Variants in DPEP2 observed in about 807,000 individuals in gnomAD.
DPEP2 encodes the protein dipeptidase 2.
In DPEP2, 45 loss-of-function variants were observed where a neutral mutation model predicts 51.8. The observed-to-expected ratio is 0.87, with a 90% confidence interval of 0.68 to 1.11. DPEP2 has a LOEUF of 1.11. Among genes scored for constraint, DPEP2 ranks in the 50% most tolerant of loss-of-function variants. DPEP2 has a pLI of 0.00. For synonymous variants in DPEP2, 255 were observed against 262.7 expected, an observed-to-expected ratio of 0.97 and a Z score of 0.28; for missense variants, 604 against 631.9, an observed-to-expected ratio of 0.96 and a Z score of 0.47.
At position 67,992,404 on chromosome 16, in the gene DPEP2, A is replaced by G. The variant is rs982412365; in HGVS notation, c.390+106T>C. On this transcript the variant is annotated intron_variant, in intron 3 of 10. Transcript: ENST00000393847. ...ATATCATGACACTTTTTGGGTCACT[A>G]TGGTAACTGAGTTCTCATGTGACTA... The G allele has an allele frequency of 4.0e-6, 6 of 1,509,824 alleles. No individual in the cohort carries two copies. The African/African-American group carries it at 5.5e-5, about 14-fold the overall frequency. The allele number at this position is 1,509,824 out of a possible 1,614,324, so 93.5% of individuals were successfully genotyped here. A position where few individuals can be genotyped will look rare whatever the true frequency, so the allele number is the denominator to read the frequency against.
At chr16:67,993,708 C>T in intron 1 of DPEP2, 1 of 986,590 alleles carries the variant, frequency 1.0e-6, no homozygotes, top group Non-Finnish European at 1.2e-6. Flanking sequence ...CACCCAGGGC[C>T]ACATGTGTCC....
In DPEP2 at chr16:67,999,402, G is replaced by A. The variant is rs1351385141; in HGVS notation, c.-73C>T. On this transcript the variant is annotated 5_prime_UTR_variant, in exon 1 of 11. Coordinates refer to ENST00000393847, the MANE Select transcript of DPEP2 (RefSeq NM_022355.4). ...TAAGAGCTGTAACACTCACTGCGAG[G>A]GTCTGCAGCTTCATTCTAGAACTCA... 5 of 786,512 alleles carry A rather than the reference G, an allele frequency of 6.4e-6. No individual in the cohort carries two copies. The East Asian group carries it at 5.0e-4, about 79-fold the overall frequency. The allele number at this position is 786,512 out of a possible 1,614,324, so 48.7% of individuals were successfully genotyped here. A position where few individuals can be genotyped will look rare whatever the true frequency, so the allele number is the denominator to read the frequency against.
chr16:67,995,569 A>G (rs972957894), intron 1 of DPEP2, among the ~76,000 whole-genome samples: 3 of 152,214 alleles, frequency 2.0e-5, no homozygotes, highest in African/African-American at 7.2e-5. Context: ...CAGGTCAAAG[A>G]TGTGGTTTTG....
At chr16:67,989,118 A>G (rs2031805021) in intron 9 of DPEP2, among the ~76,000 whole-genome samples, 1 of 152,162 alleles carries the variant, frequency 6.6e-6, no homozygotes, top group Non-Finnish European at 1.5e-5. Flanking sequence ...GGGTACGTGC[A>G]GTGCTGGGCA....
chr16:67,990,004 G>A lies in DPEP2; in HGVS notation c.994+43C>T, dbSNP rs756792012. 2.5e-6 allele frequency: 4 copies of A among 1,605,532 alleles called. 1 individual carries two copies. Among genetic ancestry groups the A allele is most frequent in the South Asian group, 2.2e-5 (2 of 90,628 alleles). On this transcript the variant is annotated intron_variant, in intron 8 of 10. Transcript: ENST00000393847. ...TCCTGGGGCCCTCCCAAGTCTTCAG[G>A]TGCAAATCAGAACTGTTCAGAGAGC...
intron 3 of DPEP2, 56 bp from the exon 4 acceptor site, chr16:67,992,249 C>T (rs2032266844): frequency 1.9e-6 from 3 of 1,589,826 alleles, no homozygotes. Flanking sequence ...GGACCCTGGA[C>T]TGCTCACAGC....
chr16:67,992,790 A>C, intron 2 of DPEP2, 154 bp from the exon 3 acceptor site: 1 of 1,480,482 alleles, frequency 6.8e-7, no homozygotes, highest in Non-Finnish European at 9.0e-7. Flanking sequence ...TGCCCACCCA[A>C]GAGGGGATGA....
intron 1 of DPEP2, among the ~76,000 whole-genome samples, chr16:67,995,706 G>A (rs780658866): frequency 4.6e-5 from 7 of 152,152 alleles, no homozygotes; most frequent in Non-Finnish European, 7.4e-5. Flanking sequence ...ACTCACACCC[G>A]TGATCCCAGC....
chr16:67,997,421 A>G (rs1056252117), intron 1 of DPEP2, among the ~76,000 whole-genome samples: 1 of 151,692 alleles, frequency 6.6e-6, no homozygotes, highest in African/African-American at 2.4e-5. Flanking sequence ...CAGTGGCACA[A>G]TCTCGGCTCA....
Position 67,987,640 on chromosome 16 carries a change from G to C in DPEP2, c.1327C>G (p.Gln443Glu). ...TGTATGGGAATCTCAGTGAGTTCCT[G>C]GCCTGAAGTCAGACTCTGTCTCTGA... ...LRQRQSLTSG[Q>E]ELTEIPIHWT... Residue 443 changes from glutamine to glutamate, a missense_variant, in exon 11 of 11, where the codon CAG becomes GAG. Physicochemically the swap from Gln to Glu is conservative, Grantham distance 29 (BLOSUM62 2). Coordinates refer to ENST00000393847, the MANE Select transcript of DPEP2 (RefSeq NM_022355.4). The C allele has an allele frequency of 1.2e-6, 2 of 1,614,166 alleles. No individual in the cohort carries two copies. The highest frequency in any genetic ancestry group is 1.7e-6 in the Non-Finnish European group (2 of 1,180,034).
intron 1 of DPEP2, among the ~76,000 whole-genome samples, chr16:67,998,455 G>C (rs139822773): frequency 0.018 from 2,798 of 152,330 alleles, 37 homozygotes; most frequent in Non-Finnish European, 0.029. Flanking sequence ...TTCCCGGGGG[G>C]GCAGGGCTCG....
upstream of DPEP2, chr16:68,000,318 C>T (rs2032946792): frequency 4.4e-6 from 2 of 454,574 alleles, no homozygotes; most frequent in South Asian, 9.3e-5. Flanking sequence ...TGGTGTGCAG[C>T]TCACTCGCCC....
intron 7 of DPEP2, 37 bp downstream of exon 7, chr16:67,990,784 C>T (rs1472836370): frequency 3.1e-6 from 5 of 1,591,734 alleles, no homozygotes; most frequent in Non-Finnish European, 4.3e-6. Flanking sequence ...TGGTTTGAAC[C>T]TCTTGCTTTA....
upstream of DPEP2, chr16:68,000,404 C>CT: frequency 1.0e-6 from 1 of 983,304 alleles, no homozygotes; most frequent in Non-Finnish European, 1.2e-6. Context: ...CACAGGCTGC[C>CT]TCCCATGCTC....
At chr16:67,999,115 T>A (rs1401912593) in intron 1 of DPEP2, among the ~76,000 whole-genome samples, 4 of 152,188 alleles carry the variant, frequency 2.6e-5, no homozygotes, top group African/African-American at 9.7e-5. Context: ...TAAATCTTGC[T>A]ACTGTTCACT....
At chr16:67,990,746 G>A in intron 7 of DPEP2, 75 bp downstream of exon 7, 3 of 1,514,302 alleles carry the variant, frequency 2.0e-6, no homozygotes, top group Middle Eastern at 1.8e-4. Context: ...TTACAGGTGT[G>A]AGCCACCATG....
In DPEP2 at chr16:67,991,122, A is replaced by C; in HGVS notation, c.725T>G (p.Phe242Cys). The C allele has an allele frequency of 6.2e-7, 1 of 1,614,184 alleles. No individual in the cohort carries two copies. The highest frequency in any genetic ancestry group is 8.5e-7 in the Non-Finnish European group (1 of 1,180,034). ...FYNNISGLTDFGEKVVAEMNR... is the reference protein window; with the variant it reads ...FYNNISGLTDCGEKVVAEMNR... ...GTGAACCAGGGTCCTCACCTCACCA[A>C]AGTCAGTCAGCCCGCTGATGTTGTT... The change falls in exon 6 of 11, where the codon TTT becomes TGT. Residue 242 changes from phenylalanine (F) to cysteine (C), a missense_variant. Transcript: ENST00000393847. The surrounding 1 kb of genome is among the most constrained non-coding windows in gnomAD (Gnocchi z 5.1).
In DPEP2 at chr16:67,992,101, G is replaced by C. The variant is rs1307913788; in HGVS notation, c.483C>G (p.Ala161=). The change falls in exon 4 of 11, where the codon GCC becomes GCG. Residue 161 remains alanine (A), a synonymous_variant. Coordinates refer to ENST00000393847, the MANE Select transcript of DPEP2 (RefSeq NM_022355.4). ...TCACAAGCTCCAGCTCAGAATAGGA[G>C]GCACACATGCGGCGTATGAGGTCAA... The part of the protein sequence containing the change: ...EQIDLIRRMC[A]SYSELELVTS... The C allele has an allele frequency of 6.2e-7, 1 of 1,614,078 alleles. No homozygotes were observed. The highest frequency in any genetic ancestry group is 1.3e-5 in the African/African-American group (1 of 74,922).
intron 9 of DPEP2, 91 bp downstream of exon 9, chr16:67,989,232 T>G: frequency 1.4e-6 from 2 of 1,401,574 alleles, no homozygotes; most frequent in Non-Finnish European, 2.0e-6. Flanking sequence ...GGGAGTGTGG[T>G]CAAGGCCTAA....
Sources: gnomAD v4.1 joint callset for allele counts (sites outside exome capture counted in the v4.1 genomes callset) on GRCh38, gnomAD v4.1.1 for gene constraint, Gnocchi (gnomAD v3.1) non-coding constraint, MANE v1.5 for transcripts, NCBI Gene and HGNC (gene_info 2026-07-23, HGNC 2026-07-21) for gene names.